The following GNA12 variants were observed in gnomAD, a reference collection of about 807,000 sequenced individuals.
The protein encoded by GNA12 is guanine nucleotide-binding protein subunit alpha-12.
Under a neutral mutation model 26.0 loss-of-function variants are expected in GNA12, and 9 were observed. The ratio of observed to expected loss-of-function variants is 0.35; its 90% CI spans 0.21 to 0.60. GNA12 has a LOEUF of 0.60. Among genes scored for constraint, GNA12 ranks in the 20% least tolerant of loss-of-function variants. The pLI, the probability that GNA12 is intolerant of heterozygous loss-of-function variation, is 0.78. For missense variants in GNA12, 405 were observed against 525.8 expected (o/e 0.77, Z 2.25); for synonymous variants, 264 against 219.6 (o/e 1.20, Z -1.79).
At chr7:2,766,286 T>C (rs1333872565) in intron 2 of GNA12, among the ~76,000 whole-genome samples, 4 of 152,212 alleles carry the variant, frequency 2.6e-5, no homozygotes, top group African/African-American at 9.7e-5. Flanking sequence ...GTATGTTAGC[T>C]GCAGTCTTTC....
In GNA12 at chr7:2,729,203, A is replaced by C. The variant is rs1010499154; in HGVS notation, c.*1978T>G. 2.0e-5 allele frequency: 3 copies of C among 152,366 alleles called. No individual in the cohort carries two copies. The highest frequency in any genetic ancestry group is 2.1e-4 in the South Asian group (1 of 4,834). The allele number at this position is 152,366 out of a possible 1,614,324, so 9.4% of individuals were successfully genotyped here. On this transcript the variant is annotated 3_prime_UTR_variant, in exon 4 of 4. Coordinates refer to ENST00000275364, the MANE Select transcript of GNA12 (RefSeq NM_007353.3). ...GCACTTCCTCTGGGCTCTGGATTCTAACACACACAGGAGACACAGCGAAAG... is the reference window on the plus strand; with the variant it reads ...GCACTTCCTCTGGGCTCTGGATTCTCACACACACAGGAGACACAGCGAAAG...
In GNA12 at chr7:2,731,478, G is replaced by T. The variant is rs1789891389; in HGVS notation, c.849C>A (p.Asn283Lys). The T allele has an allele frequency of 6.2e-7, 1 of 1,613,820 alleles. No homozygotes were observed. The highest frequency in any genetic ancestry group is 8.5e-7 in the Non-Finnish European group (1 of 1,179,930). ...TGATGGAGACGTTGAAGAAGAGCTT[G>T]TTGTTGACGATGGTCTCGAAGATGT... ...SMNIFETIVNNKLFFNVSIIL... is the reference protein window; with the variant it reads ...SMNIFETIVNKKLFFNVSIIL... Residue 283 changes from asparagine to lysine, a missense_variant, in exon 4 of 4, where the codon AAC becomes AAA. By Grantham distance (94) the Asn-to-Lys change is moderately conservative. Transcript: ENST00000275364. This position sits in a 1 kb window ranked among gnomAD's most constrained non-coding sequence, Gnocchi z 6.0.
At position 2,729,389 on chromosome 7, in the gene GNA12, G is replaced by A. The variant is rs1343262512; in HGVS notation, c.*1792C>T. On this transcript the variant is annotated 3_prime_UTR_variant, in exon 4 of 4. Transcript: ENST00000275364. Reference sequence around the variant, plus strand: ...GGCACTCATCTCCGGTCACATCCGTGAGGTCTGTGAAGAGCCACAGAAGCA... The same window carrying A: ...GGCACTCATCTCCGGTCACATCCGTAAGGTCTGTGAAGAGCCACAGAAGCA... The A allele has an allele frequency of 6.6e-6, 1 of 152,376 alleles. No individual in the cohort carries two copies. The highest frequency in any genetic ancestry group is 1.5e-5 in the Non-Finnish European group (1 of 68,056). 9.4% of individuals were successfully genotyped at this position (152,376 alleles called of 1,614,324 possible). A position where few individuals can be genotyped will look rare whatever the true frequency, so the allele number is the denominator to read the frequency against.
chr7:2,750,723 G>GAC (rs1484424921), intron 2 of GNA12, among the ~76,000 whole-genome samples: 2 of 152,254 alleles, frequency 1.3e-5, no homozygotes, highest in East Asian at 1.9e-4. Flanking sequence ...CATGTTAACA[G>GAC]ACACACACAC....
chr7:2,743,577 G>A (rs1050771127), intron 2 of GNA12, among the ~76,000 whole-genome samples: 1 of 152,178 alleles, frequency 6.6e-6, no homozygotes, highest in East Asian at 1.9e-4. Flanking sequence ...TGGCCGAATA[G>A]GAACAGCTCC....
At chr7:2,815,554 C>T (rs1359306116) in intron 1 of GNA12, among the ~76,000 whole-genome samples, 1 of 152,220 alleles carries the variant, frequency 6.6e-6, no homozygotes, top group African/African-American at 2.4e-5. Flanking sequence ...CAACCAGGGA[C>T]CACCCTGATA....
At chr7:2,768,880 A>T (rs906147963) in intron 2 of GNA12, among the ~76,000 whole-genome samples, 1 of 152,152 alleles carries the variant, frequency 6.6e-6, no homozygotes, top group Non-Finnish European at 1.5e-5. Context: ...AAACTACTAC[A>T]CATTGATTGT....
At chr7:2,743,092 G>A (rs556963304) in intron 2 of GNA12, among the ~76,000 whole-genome samples, 1 of 152,280 alleles carries the variant, frequency 6.6e-6, no homozygotes, top group Admixed American at 6.5e-5. Context: ...GGGTAAGGTG[G>A]GAACACTCCA....
chr7:2,789,386 C>T (rs1206101670), intron 2 of GNA12, among the ~76,000 whole-genome samples: 10 of 145,516 alleles, frequency 6.9e-5, no homozygotes, highest in East Asian at 4.0e-4. Flanking sequence ...CCGCCCGCCT[C>T]GGCCTCCCAA....
chr7:2,743,934 T>C (rs955269306), intron 2 of GNA12, among the ~76,000 whole-genome samples: 2 of 151,174 alleles, frequency 1.3e-5, no homozygotes, highest in Non-Finnish European at 2.9e-5. Flanking sequence ...AGCACAGCAG[T>C]CTGAGATCAA....
intron 2 of GNA12, among the ~76,000 whole-genome samples, chr7:2,754,766 A>G (rs1362527181): frequency 6.6e-6 from 1 of 152,148 alleles, no homozygotes; most frequent in Non-Finnish European, 1.5e-5. Flanking sequence ...GGACTTTTGC[A>G]GAGCAAACAT....
At chr7:2,812,105 A>T (rs1793095296) in intron 1 of GNA12, among the ~76,000 whole-genome samples, 1 of 152,252 alleles carries the variant, frequency 6.6e-6, no homozygotes, top group Non-Finnish European at 1.5e-5. Context: ...CTTGCGTTTC[A>T]GGCAACTCCT....
At chr7:2,776,813 G>C (rs1440327002) in intron 2 of GNA12, among the ~76,000 whole-genome samples, 1 of 152,140 alleles carries the variant, frequency 6.6e-6, no homozygotes, top group African/African-American at 2.4e-5. Context: ...GGCCAGGAGA[G>C]GTGGCTCATG....
At chr7:2,835,769 TAGA>T in intron 1 of GNA12, 1 of 747,638 alleles carries the variant, frequency 1.3e-6, no homozygotes. Flanking sequence ...CTCCAAAACG[TAGA>T]AGATGCTCGT....
intron 1 of GNA12, chr7:2,814,782 G>A (rs1369654970): frequency 8.5e-7 from 1 of 1,171,060 alleles, no homozygotes; most frequent in Non-Finnish European, 1.2e-6. Flanking sequence ...TCCTAGAAAG[G>A]GTTCCCTGAC....
intron 2 of GNA12, among the ~76,000 whole-genome samples, chr7:2,738,363 C>G (rs798517): frequency 2.0e-5 from 3 of 151,838 alleles, no homozygotes; most frequent in Non-Finnish European, 4.4e-5. Flanking sequence ...CTGCAGGAAA[C>G]GTCTAGTAGG....
At chr7:2,789,130 A>ATTTTTTTTT (rs1583283001) in intron 2 of GNA12, among the ~76,000 whole-genome samples, 8 of 74,150 alleles carry the variant, frequency 1.1e-4, no homozygotes, top group East Asian at 6.7e-4. Flanking sequence ...CCCTTCAGGC[A>ATTTTTTTTT]TCTTTTTTTT....
intron 2 of GNA12, among the ~76,000 whole-genome samples, chr7:2,745,359 A>G (rs1790715939): frequency 6.6e-6 from 1 of 152,252 alleles, no homozygotes; most frequent in Non-Finnish European, 1.5e-5. Context: ...AGTGGGGGCC[A>G]ATATTCAACA....
rs1021728682 is a variant in GNA12 at position 2,762,600 on chromosome 7, G to T, written c.526-29099C>A. On this transcript the variant is annotated intron_variant, in intron 2 of 3. Transcript: ENST00000275364. Reference sequence around the variant, plus strand: ...AAATTACATTTACAAACCCAAAAAAGGACAATCCCCTTCCGGATAAGACCC... The same window carrying T: ...AAATTACATTTACAAACCCAAAAAATGACAATCCCCTTCCGGATAAGACCC... 4.6e-6 allele frequency: 7 copies of T among 1,520,064 alleles called. No homozygotes were observed. The Admixed American group carries it at 8.6e-5, about 19-fold the overall frequency. The allele number at this position is 1,520,064 out of a possible 1,614,324, so 94.2% of individuals were successfully genotyped here. A position where few individuals can be genotyped will look rare whatever the true frequency, so the allele number is the denominator to read the frequency against.
Sources: allele counts gnomAD v4.1 joint callset (sites outside exome capture counted in the v4.1 genomes callset), GRCh38; gene constraint gnomAD v4.1.1; non-coding constraint Gnocchi (gnomAD v3.1); transcripts MANE v1.5; gene names NCBI Gene and HGNC (gene_info 2026-07-23, HGNC 2026-07-21).